Variants in DMD observed in about 807,000 individuals in gnomAD.
DMD encodes the protein mutant dystrophin.
A neutral mutation model predicts 330.1 loss-of-function variants in DMD; 63 were observed. That is an observed-to-expected ratio of 0.19 (90% CI 0.16 to 0.24). The LOEUF (loss-of-function observed/expected upper bound fraction) is 0.24. Ranked by LOEUF, DMD falls within the 10% of genes least tolerant of loss-of-function variation. The pLI is 1.00. For missense variants in DMD, 3,344 were observed against 2,684.1 expected, an observed-to-expected ratio of 1.25 and a Z score of -5.43; for synonymous variants, 1,223 against 959.8, an observed-to-expected ratio of 1.27 and a Z score of -5.07.
chrX:32,185,875 T>C (rs1270404949), intron 44 of DMD, among the ~76,000 whole-genome samples: 1 of 111,104 alleles, frequency 9.0e-6, no homozygotes, highest in Middle Eastern at 4.6e-3. Context: ...ACATTTCATG[T>C]AGCAGAATGT....
rs1011797079 is a variant in DMD, at chrX:32,287,774, T to C, written c.6118-73A>G. 15 of 713,401 alleles carry C rather than the reference T, an allele frequency of 2.1e-5. No homozygotes were observed. The Admixed American group carries it at 2.4e-4, about 11-fold the overall frequency. 58.8% of individuals were successfully genotyped at this position (713,401 alleles called of 1,213,427 possible). On this transcript the variant is annotated intron_variant, in intron 42 of 78. Coordinates refer to ENST00000357033, the MANE Select transcript of DMD (RefSeq NM_004006.3). Reference sequence around the variant, plus strand: ...ATAGAAAGAGAAAAATATATATATATATACAAATCCCAAAGGTAGCAAATG... The same window carrying C: ...ATAGAAAGAGAAAAATATATATATACATACAAATCCCAAAGGTAGCAAATG...
At chrX:31,311,944 C>T (rs748680813) in intron 62 of DMD, among the ~76,000 whole-genome samples, 1 of 111,643 alleles carries the variant, frequency 9.0e-6, no homozygotes, top group African/African-American at 3.3e-5. Flanking sequence ...ACAGCTTACA[C>T]AAAAATTAAC....
chrX:33,031,183 T>C (rs1430968967), intron 1 of DMD, among the ~76,000 whole-genome samples: 1 of 110,937 alleles, frequency 9.0e-6, no homozygotes, highest in Non-Finnish European at 1.9e-5. Flanking sequence ...TAAGGCTTTC[T>C]TCAGTTTAGG....
chrX:32,378,797 G>T (rs2097913978), intron 34 of DMD, among the ~76,000 whole-genome samples: 1 of 110,850 alleles, frequency 9.0e-6, no homozygotes, highest in Non-Finnish European at 1.9e-5. Flanking sequence ...TTAAAAATGT[G>T]ACATTTATCT....
intron 41 of DMD, among the ~76,000 whole-genome samples, chrX:32,333,229 C>T (rs1332343952): frequency 3.6e-5 from 4 of 111,361 alleles, no homozygotes; most frequent in African/African-American, 1.3e-4. Flanking sequence ...TTAAATCTTC[C>T]ATCTTGTATC....
chrX:31,344,710 C>A (rs978741478), intron 61 of DMD, among the ~76,000 whole-genome samples: 1 of 110,178 alleles, frequency 9.1e-6, no homozygotes, highest in Non-Finnish European at 1.9e-5. Flanking sequence ...ATTAGCCAAG[C>A]GTGGTGGCGT....
intron 1 of DMD, among the ~76,000 whole-genome samples, chrX:33,242,912 T>C: frequency 8.9e-6 from 1 of 112,326 alleles, no homozygotes; most frequent in Non-Finnish European, 1.9e-5. Flanking sequence ...GAATTGTCTA[T>C]TCATATCCTT....
At chrX:33,259,026 G>T (rs2052905745) in intron 1 of DMD, among the ~76,000 whole-genome samples, 1 of 111,053 alleles carries the variant, frequency 9.0e-6, no homozygotes, top group East Asian at 2.8e-4. Flanking sequence ...GCTATGATAT[G>T]GACAAAACTT....
At chrX:33,304,358 G>A (rs2053718690) in intron 1 of DMD, among the ~76,000 whole-genome samples, 1 of 111,333 alleles carries the variant, frequency 9.0e-6, no homozygotes, top group African/African-American at 3.3e-5. Context: ...AAACTGGCTA[G>A]CCATATGGAG....
chrX:32,375,588 T>C (rs1420795153), intron 34 of DMD, among the ~76,000 whole-genome samples: 1 of 112,188 alleles, frequency 8.9e-6, no homozygotes, highest in Non-Finnish European at 1.9e-5. Context: ...GCATAACTCA[T>C]CTTAAGGAAT....
intron 60 of DMD, among the ~76,000 whole-genome samples, chrX:31,407,565 G>A (rs1341876376): frequency 3.8e-5 from 4 of 106,591 alleles, no homozygotes; most frequent in African/African-American, 1.4e-4. Context: ...TTCACCTCCC[G>A]GGTTCACGCC....
intron 29 of DMD, among the ~76,000 whole-genome samples, chrX:32,420,872 T>C (rs185882947): frequency 3.8e-4 from 42 of 111,729 alleles, no homozygotes; most frequent in Middle Eastern, 4.6e-3. Context: ...ATGGTGCTTT[T>C]CTGATGTGCA....
intron 43 of DMD, among the ~76,000 whole-genome samples, chrX:32,264,632 G>T (rs866770912): frequency 1.8e-5 from 2 of 112,034 alleles, no homozygotes; most frequent in Middle Eastern, 4.6e-3. Flanking sequence ...CCCAAATGCT[G>T]ATAGTGATAT....
intron 44 of DMD, among the ~76,000 whole-genome samples, chrX:32,019,290 G>A (rs972824886): frequency 6.3e-5 from 7 of 110,509 alleles, no homozygotes; most frequent in East Asian, 2.8e-4. Context: ...ACTATGTCAC[G>A]ACGAATATAT....
chrX:31,476,420 T>TATATAC (rs1226600532), intron 59 of DMD, among the ~76,000 whole-genome samples: 1 of 91,958 alleles, frequency 1.1e-5, no homozygotes, highest in African/African-American at 4.2e-5. Context: ...TATATATATA[T>TATATAC]ACACACACAC....
intron 1 of DMD, among the ~76,000 whole-genome samples, chrX:33,311,200 C>T (rs1263246057): frequency 9.1e-6 from 1 of 109,316 alleles, no homozygotes; most frequent in Non-Finnish European, 1.9e-5. Flanking sequence ...CACACATACA[C>T]ACACTTAACT....
chrX:32,204,390 A>T (rs779286150), intron 44 of DMD, among the ~76,000 whole-genome samples: 3 of 112,770 alleles, frequency 2.7e-5, no homozygotes, highest in Admixed American at 9.4e-5. Context: ...GCAAGGCACT[A>T]AACCAACTTT....
intron 16 of DMD, among the ~76,000 whole-genome samples, chrX:32,551,019 C>G (rs984117610): frequency 1.8e-5 from 2 of 110,616 alleles, no homozygotes; most frequent in African/African-American, 6.6e-5. Context: ...AGAAAAAGCC[C>G]AGGACCAGAC....
intron 2 of DMD, among the ~76,000 whole-genome samples, chrX:32,954,724 G>A (rs1351481425): frequency 9.1e-6 from 1 of 110,193 alleles, no homozygotes; most frequent in Non-Finnish European, 1.9e-5. Flanking sequence ...CCCAATGTAT[G>A]TTATTCCCCT....
Sources: allele counts gnomAD v4.1 joint callset (sites outside exome capture counted in the v4.1 genomes callset), GRCh38; gene constraint gnomAD v4.1.1; transcripts MANE v1.5; gene names NCBI Gene and HGNC (gene_info 2026-07-23, HGNC 2026-07-21).